Variants in FOXP1 observed in about 807,000 individuals in gnomAD.
FOXP1 encodes forkhead box P1, also known as forkhead box protein P1.
In FOXP1, 15 loss-of-function variants were observed where a neutral mutation model predicts 98.2. The observed-to-expected ratio is 0.15, with a 90% CI of 0.10 to 0.24. The LOEUF (loss-of-function observed/expected upper bound fraction) is 0.24. Ranked by LOEUF, FOXP1 falls within the 10% of genes least tolerant of loss-of-function variation. FOXP1 has a pLI of 1.00. For synonymous variants in FOXP1, 371 were observed against 314.5 expected (o/e 1.18, Z -1.90); for missense variants, 633 against 848.5 (o/e 0.75, Z 3.15).
Position 70,958,196 on chromosome 3 carries a change from CAA to C in FOXP1, c.*1049_*1050del, listed in dbSNP as rs747818299. The C allele has an allele frequency of 0.011, 3,437 of 306,984 alleles. No homozygotes were observed. Among genetic ancestry groups the C allele is most frequent in the South Asian group, 0.016 (516 of 31,342 alleles). 19.0% of individuals were successfully genotyped at this position (306,984 alleles called of 1,614,324 possible). On this transcript the variant is annotated 3_prime_UTR_variant, in exon 21 of 21. Transcript: ENST00000649528. ...TGGTGGCATTTATTAATGGTTGCTG[CAA>C]AAAAAAAAAAAGAAAAGAAAAGAAA... is the stretch of plus-strand genomic sequence containing the variant.
chr3:71,496,764 G>T (rs142753674), intron 2 of FOXP1, among the ~76,000 whole-genome samples: 110 of 152,034 alleles, frequency 7.2e-4, no homozygotes, highest in African/African-American at 2.4e-3. Flanking sequence ...CTGAGATTGC[G>T]CCAATGCACT....
At chr3:71,036,276 G>C (rs553708520) in intron 11 of FOXP1, among the ~76,000 whole-genome samples, 2 of 152,282 alleles carry the variant, frequency 1.3e-5, no homozygotes, top group Non-Finnish European at 2.9e-5. Context: ...AACGAGGCAA[G>C]GACTATCGTG....
chr3:71,456,129 A>G (rs1349325729), intron 3 of FOXP1, among the ~76,000 whole-genome samples: 15 of 152,134 alleles, frequency 9.9e-5, no homozygotes, highest in Non-Finnish European at 2.1e-4. Context: ...AGATGATTCA[A>G]GTATTTGAGG....
intron 5 of FOXP1, among the ~76,000 whole-genome samples, chr3:71,230,210 G>A (rs2066174924): frequency 6.6e-6 from 1 of 152,222 alleles, no homozygotes; most frequent in African/African-American, 2.4e-5. Context: ...GCTGTGAAGT[G>A]TTCAGAGATG....
At position 71,046,936 on chromosome 3, in the gene FOXP1, G is replaced by A. The variant is rs552866338; in HGVS notation, c.664+6C>T. ...GAGCTATGCCTTCTGTAAAATCAAC[G>A]CATACCTTGAGCAAGAGGTTGAAGG... On this transcript the variant is annotated splice_donor_region_variant and intron_variant, in intron 10 of 20. Transcript: ENST00000649528. 5.2e-5 allele frequency: 84 copies of A among 1,613,908 alleles called. No homozygotes were observed. The highest frequency in any genetic ancestry group is 1.5e-4 in the African/African-American group (11 of 74,978).
At chr3:71,320,524 C>A (rs2075327517) in intron 4 of FOXP1, among the ~76,000 whole-genome samples, 1 of 152,068 alleles carries the variant, frequency 6.6e-6, no homozygotes, top group African/African-American at 2.4e-5. Flanking sequence ...CCACTTCCTC[C>A]AAGAAGTCCT....
At chr3:71,337,649 A>G (rs1053172498) in intron 4 of FOXP1, among the ~76,000 whole-genome samples, 1 of 152,228 alleles carries the variant, frequency 6.6e-6, no homozygotes, top group African/African-American at 2.4e-5. Context: ...ATATGAAACC[A>G]TTTTATGCCA....
intron 3 of FOXP1, among the ~76,000 whole-genome samples, chr3:71,370,340 GGAGT>G (rs2079207339): frequency 6.6e-6 from 1 of 152,180 alleles, no homozygotes; most frequent in South Asian, 2.1e-4. Flanking sequence ...CAGGGAGAAA[GGAGT>G]GAGTTATTCA....
chr3:71,533,471 T>C (rs73094877), intron 2 of FOXP1, among the ~76,000 whole-genome samples: 15,777 of 152,320 alleles, frequency 0.1, 897 homozygotes, highest in Middle Eastern at 0.14. Flanking sequence ...ATATGGAACA[T>C]ACAAAATATG....
intron 5 of FOXP1, among the ~76,000 whole-genome samples, chr3:71,203,938 GAGGAAGGAAGGAAGGAAGGAAGGAAGGA>G (rs3033228): frequency 7.6e-5 from 10 of 131,446 alleles, no homozygotes; most frequent in East Asian, 2.2e-4. Context: ...GAAAAGGAAG[GAGGAAGGAAGGAAGGAAGGAAGGAAGGA>G]AGGAAGGAAG....
At chr3:71,542,631 G>A (rs2044950551) in intron 2 of FOXP1, among the ~76,000 whole-genome samples, 1 of 152,232 alleles carries the variant, frequency 6.6e-6, no homozygotes, top group Non-Finnish European at 1.5e-5. Context: ...ACGGCTGTGT[G>A]CCACATCTGC....
intron 4 of FOXP1, among the ~76,000 whole-genome samples, chr3:71,329,584 T>TG (rs2076170258): frequency 4.4e-5 from 3 of 68,810 alleles, no homozygotes; most frequent in South Asian, 7.0e-4. Context: ...AGCAAAATGT[T>TG]GAAAAAAAAA....
chr3:71,575,756 T>C (rs527834614), intron 2 of FOXP1, among the ~76,000 whole-genome samples: 2 of 152,342 alleles, frequency 1.3e-5, no homozygotes, highest in Non-Finnish European at 2.9e-5. Context: ...CCCTGTATCA[T>C]TGGATCCCTA....
intron 6 of FOXP1, among the ~76,000 whole-genome samples, chr3:71,194,261 CAA>C (rs11445848): frequency 5.5e-4 from 62 of 113,692 alleles, no homozygotes; most frequent in African/African-American, 1.1e-3. Flanking sequence ...CAGGTGGTAC[CAA>C]AAAAAAAAAA....
chr3:71,176,743 CAAAAAAAAAAAAAA>C (rs573639526), intron 6 of FOXP1, among the ~76,000 whole-genome samples: 28 of 75,540 alleles, frequency 3.7e-4, no homozygotes, highest in East Asian at 6.3e-4. Context: ...GAGGCTATCT[CAAAAAAAAAAAAAA>C]AAAAAAAAAA....
chr3:71,244,042 G>T (rs781070271), intron 5 of FOXP1, among the ~76,000 whole-genome samples: 7 of 152,014 alleles, frequency 4.6e-5, no homozygotes, highest in Non-Finnish European at 1.0e-4. Context: ...TAAAAGAAAA[G>T]AAAAAAGTCC....
chr3:71,129,126 A>G (rs1467821989), intron 6 of FOXP1, among the ~76,000 whole-genome samples: 2 of 152,184 alleles, frequency 1.3e-5, no homozygotes, highest in Non-Finnish European at 2.9e-5. Flanking sequence ...ATAGACTAAG[A>G]TACCAAGAAA....
At chr3:71,345,126 A>C (rs2077244287) in intron 4 of FOXP1, among the ~76,000 whole-genome samples, 1 of 152,166 alleles carries the variant, frequency 6.6e-6, no homozygotes, top group Non-Finnish European at 1.5e-5. Context: ...GTGGTGGCTC[A>C]CGCCTGTAAT....
At chr3:71,228,860 C>T (rs2066051298) in intron 5 of FOXP1, among the ~76,000 whole-genome samples, 1 of 151,760 alleles carries the variant, frequency 6.6e-6, no homozygotes. Context: ...CGTTGAAGGG[C>T]AATGCCACAG....
Sources: allele counts gnomAD v4.1 joint callset (sites outside exome capture counted in the v4.1 genomes callset), GRCh38; gene constraint gnomAD v4.1.1; transcripts MANE v1.5; gene names NCBI Gene and HGNC (gene_info 2026-07-23, HGNC 2026-07-21).